The following DENND2B variants were observed in gnomAD, a reference collection of about 807,000 sequenced individuals.
DENND2B encodes the protein DENN domain containing 2B.
Under a neutral mutation model 116.0 loss-of-function variants are expected in DENND2B, and 32 were observed. That is an observed-to-expected ratio of 0.28 (90% CI 0.21 to 0.37). The LOEUF (loss-of-function observed/expected upper bound fraction) is 0.37. Ranked by LOEUF, DENND2B falls within the 10% of genes least tolerant of loss-of-function variation. The pLI is 1.00. For missense variants in DENND2B, 1,276 were observed against 1,477.7 expected (o/e 0.86, Z 2.24); for synonymous variants, 588 against 583.9 (o/e 1.01, Z -0.10).
chr11:8,709,527 G>A (rs767613658), intron 11 of DENND2B, among the ~76,000 whole-genome samples: 2 of 152,186 alleles, frequency 1.3e-5, no homozygotes, highest in Non-Finnish European at 2.9e-5. Context: ...GGCGGCCAGA[G>A]GCATGCTGGC....
intron 1 of DENND2B, chr11:8,809,379 C>G (rs1335489796): frequency 6.6e-6 from 1 of 152,236 alleles, no homozygotes; most frequent in Non-Finnish European, 1.5e-5. Flanking sequence ...AGAACCAGGA[C>G]AGCAGCTGTT....
chr11:8,900,942 C>G lies in DENND2B; in HGVS notation c.-256+9879G>C, dbSNP rs189398671. 2.1e-3 allele frequency among the ~76,000 whole-genome samples: 313 copies of G among 151,964 alleles called. 1 individual carries two copies. The highest frequency in any genetic ancestry group is 7.1e-3 in the African/African-American group (293 of 41,500). ...CGAGATCATGCCATTGCACTCCAGC[C>G]TAGGCAACAAGAGTGAAACCTTGGT... On this transcript the variant is annotated intron_variant, in intron 1 of 22. Coordinates refer to the DENND2B transcript ENST00000534127.
intron 4 of DENND2B, among the ~76,000 whole-genome samples, chr11:8,824,852 T>A (rs911262299): frequency 2.2e-5 from 1 of 45,550 alleles, no homozygotes; most frequent in African/African-American, 5.0e-5. Context: ...CACACCCAGC[T>A]ATTTTTTTTT....
chr11:8,739,813 C>T (rs1192026230), intron 2 of DENND2B, among the ~76,000 whole-genome samples: 1 of 152,220 alleles, frequency 6.6e-6, no homozygotes, highest in East Asian at 1.9e-4. Flanking sequence ...AATGCACACA[C>T]ACACACAAAT....
chr11:8,727,531 T>C (rs1178352806), intron 3 of DENND2B, among the ~76,000 whole-genome samples: 1 of 152,164 alleles, frequency 6.6e-6, no homozygotes, highest in Non-Finnish European at 1.5e-5. Context: ...TCTCTCAGAG[T>C]TCTGTCTTAA....
At chr11:8,768,762 C>G (rs2056348283) in intron 1 of DENND2B, 1 of 152,590 alleles carries the variant, frequency 6.6e-6, no homozygotes, top group African/African-American at 2.4e-5. Flanking sequence ...AGCATGCTCA[C>G]CAAGCACACT....
At chr11:8,705,451 G>A (rs935163723) in intron 13 of DENND2B, among the ~76,000 whole-genome samples, 3 of 152,136 alleles carry the variant, frequency 2.0e-5, no homozygotes, top group African/African-American at 7.2e-5. Flanking sequence ...GTGCTCCTGA[G>A]CCGCAGCCCT....
intron 1 of DENND2B, among the ~76,000 whole-genome samples, chr11:8,884,047 T>C (rs2063931524): frequency 6.6e-6 from 1 of 152,220 alleles, no homozygotes; most frequent in South Asian, 2.1e-4. Context: ...TCTTAGATTT[T>C]CCTCTATAGA....
chr11:8,774,411 G>T, intron 1 of DENND2B: 1 of 797,298 alleles, frequency 1.3e-6, no homozygotes, highest in Non-Finnish European at 1.5e-6. Flanking sequence ...TTAGAATCTA[G>T]TGTCACTGCC....
intron 3 of DENND2B, among the ~76,000 whole-genome samples, chr11:8,854,014 TAA>T (rs2063106586): frequency 1.6e-5 from 2 of 121,512 alleles, no homozygotes; most frequent in African/African-American, 3.1e-5. Flanking sequence ...ATGCCCCAGT[TAA>T]TTTTTTTTTT....
At chr11:8,771,525 T>C (rs1410964114) in intron 1 of DENND2B, 1 of 53,798 alleles carries the variant, frequency 1.9e-5, no homozygotes, top group Non-Finnish European at 3.2e-5. Flanking sequence ...TGTGTATATA[T>C]ATACAGAGAG....
At chr11:8,883,849 C>T (rs756256136) in intron 1 of DENND2B, among the ~76,000 whole-genome samples, 2 of 152,204 alleles carry the variant, frequency 1.3e-5, no homozygotes, top group African/African-American at 2.4e-5. Flanking sequence ...ATTTCACTTA[C>T]TCAAACTTTA....
upstream of DENND2B, among the ~76,000 whole-genome samples, chr11:8,876,010 A>G (rs2063837628): frequency 6.6e-6 from 1 of 152,228 alleles, no homozygotes; most frequent in East Asian, 1.9e-4. Flanking sequence ...GAATTAAAGG[A>G]GAAAAATAAA....
intron 2 of DENND2B, among the ~76,000 whole-genome samples, chr11:8,867,052 T>C (rs1199485622): frequency 6.6e-6 from 1 of 152,196 alleles, no homozygotes; most frequent in African/African-American, 2.4e-5. Flanking sequence ...AACATCACTT[T>C]TCTGCCTGTC....
intron 11 of DENND2B, chr11:8,708,104 C>T: frequency 7.0e-7 from 1 of 1,422,022 alleles, no homozygotes; most frequent in Non-Finnish European, 9.2e-7. Context: ...ACACAGGCTC[C>T]ACCCTTCCTC....
rs956490106 is a variant in DENND2B, at chr11:8,831,055, C to A, written c.-115+8255G>T. Among the ~76,000 whole-genome samples, 42 of 152,150 alleles carry A rather than the reference C, an allele frequency of 2.8e-4. 1 individual carries two copies. Among genetic ancestry groups the A allele is most frequent in the Admixed American group, 1.5e-3 (23 of 15,274 alleles). On this transcript the variant is annotated intron_variant, in intron 4 of 6. Transcript: ENST00000524757. The stretch of plus-strand genomic sequence containing the variant: ...GAGCACCCATGAGAAGGGCTCTATA[C>A]CCTGCCAGGGCACAGACACCAGTGA...
intron 1 of DENND2B, among the ~76,000 whole-genome samples, chr11:8,892,704 T>G (rs1208043221): frequency 6.6e-6 from 1 of 152,158 alleles, no homozygotes; most frequent in Non-Finnish European, 1.5e-5. Context: ...TAGGAAGAAG[T>G]TGAATCCCTG....
Position 8,697,509 on chromosome 11 carries a change from C to T in DENND2B, c.3052+16G>A, listed in dbSNP as rs768230565. On this transcript the variant is annotated intron_variant, in intron 17 of 19. Transcript: ENST00000313726. The stretch of plus-strand genomic sequence containing the variant: ...AGCCTGGAGCAGAGCTGACCGTGCC[C>T]GGGCACTATTCTCACCATCGTCGGA... 1.9e-5 allele frequency: 30 copies of T among 1,604,380 alleles called. 1 individual carries two copies. The highest frequency in any genetic ancestry group is 9.9e-5 in the South Asian group (9 of 90,890).
intron 2 of DENND2B, among the ~76,000 whole-genome samples, chr11:8,861,830 T>C (rs2063402531): frequency 6.6e-6 from 1 of 152,200 alleles, no homozygotes; most frequent in African/African-American, 2.4e-5. Context: ...GTATACACCA[T>C]GGAATACTAC....
Sources: gnomAD v4.1 joint callset for allele counts (sites outside exome capture counted in the v4.1 genomes callset) on GRCh38, gnomAD v4.1.1 for gene constraint, MANE v1.5 for transcripts, NCBI Gene and HGNC (gene_info 2026-07-23, HGNC 2026-07-21) for gene names.